The following ADAMTS17 variants were observed in gnomAD, a reference collection of about 807,000 sequenced individuals.
ADAMTS17 encodes A disintegrin and metalloproteinase with thrombospondin motifs 17.
Under a neutral mutation model 141.5 loss-of-function variants are expected in ADAMTS17, and 113 were observed. The observed-to-expected ratio is 0.80, with a 90% CI of 0.69 to 0.93. The LOEUF is 0.93. ADAMTS17 is among the 40% of genes least tolerant of loss of function. ADAMTS17 has a pLI of 0.00. For missense variants in ADAMTS17, 1,659 were observed against 1,517.9 expected (o/e 1.09, Z -1.54); for synonymous variants, 768 against 630.6 (o/e 1.22, Z -3.27).
At chr15:100,014,632 G>A (rs1206365582) in intron 18 of ADAMTS17, among the ~76,000 whole-genome samples, 5 of 152,144 alleles carry the variant, frequency 3.3e-5, no homozygotes, top group South Asian at 4.1e-4. Flanking sequence ...TGCTCATTCG[G>A]GAGCAGGTTA....
intron 10 of ADAMTS17, among the ~76,000 whole-genome samples, chr15:100,141,073 A>G (rs2038624296): frequency 6.6e-6 from 1 of 152,180 alleles, no homozygotes; most frequent in Admixed American, 6.5e-5. Flanking sequence ...GTCCGTGCAC[A>G]TGGCAAGGAA....
At chr15:100,264,241 C>A (rs2142005254) in intron 4 of ADAMTS17, among the ~76,000 whole-genome samples, 1 of 152,276 alleles carries the variant, frequency 6.6e-6, no homozygotes, top group East Asian at 1.9e-4. Context: ...ATGTCCTATC[C>A]CCAAGCCTGG....
chr15:100,146,750 G>A (rs559325685), intron 10 of ADAMTS17, among the ~76,000 whole-genome samples: 2 of 152,400 alleles, frequency 1.3e-5, no homozygotes, highest in East Asian at 3.8e-4. Context: ...ACATCCCTGG[G>A]AAAGAGAATA....
At chr15:100,012,843 C>G (rs934072501) in intron 18 of ADAMTS17, among the ~76,000 whole-genome samples, 1 of 152,120 alleles carries the variant, frequency 6.6e-6, no homozygotes, top group South Asian at 2.1e-4. Flanking sequence ...GTTCTTTTTG[C>G]TTAGTCTTGC....
At chr15:100,162,832 G>GTTATA (rs2039778013) in intron 8 of ADAMTS17, among the ~76,000 whole-genome samples, 1 of 143,368 alleles carries the variant, frequency 7.0e-6, no homozygotes, top group Non-Finnish European at 1.5e-5. Flanking sequence ...ATATATATGT[G>GTTATA]TATAACTATA....
intron 8 of ADAMTS17, among the ~76,000 whole-genome samples, chr15:100,188,880 A>T: frequency 6.6e-6 from 1 of 152,224 alleles, no homozygotes; most frequent in East Asian, 1.9e-4. Flanking sequence ...AGGGTATGAA[A>T]GCTATCCCGA....
At chr15:100,195,581 A>G (rs1206948348) in intron 8 of ADAMTS17, among the ~76,000 whole-genome samples, 1 of 146,116 alleles carries the variant, frequency 6.8e-6, no homozygotes, top group Non-Finnish European at 1.5e-5. Flanking sequence ...TCAGACTTAC[A>G]TTAATTAAAT....
chr15:100,243,001 C>A (rs1321695680), intron 7 of ADAMTS17, among the ~76,000 whole-genome samples: 1 of 152,214 alleles, frequency 6.6e-6, no homozygotes, highest in Non-Finnish European at 1.5e-5. Context: ...TTCCTCAGCT[C>A]CTGGCAACTG....
intron 10 of ADAMTS17, among the ~76,000 whole-genome samples, chr15:100,148,315 C>T (rs578256849): frequency 4.1e-4 from 63 of 152,270 alleles, no homozygotes; most frequent in Non-Finnish European, 6.9e-4. Flanking sequence ...TATATTTGCC[C>T]ACGAAATTAC....
intron 18 of ADAMTS17, among the ~76,000 whole-genome samples, chr15:100,007,098 A>G (rs564087557): frequency 6.6e-6 from 1 of 152,340 alleles, no homozygotes; most frequent in Admixed American, 6.5e-5. Context: ...GGAGAAACAT[A>G]AAAACAGACA....
chr15:100,178,643 T>C (rs1173795800), intron 8 of ADAMTS17, among the ~76,000 whole-genome samples: 1 of 152,178 alleles, frequency 6.6e-6, no homozygotes, highest in East Asian at 1.9e-4. Flanking sequence ...TATTGTTCTG[T>C]TGTTCTTTTA....
intron 18 of ADAMTS17, among the ~76,000 whole-genome samples, chr15:100,046,193 T>A (rs10152339): frequency 0.076 from 11,512 of 152,240 alleles, 1,416 homozygotes; most frequent in African/African-American, 0.25. Context: ...CTTTCTAGCT[T>A]TTAAACAATT....
intron 15 of ADAMTS17, among the ~76,000 whole-genome samples, chr15:100,084,339 G>A (rs566290663): frequency 5.3e-5 from 8 of 152,342 alleles, no homozygotes; most frequent in East Asian, 3.9e-4. Context: ...AAACAAAGCC[G>A]CCGGGAAGCT....
chr15:100,121,676 G>C (rs2037459797), intron 12 of ADAMTS17, among the ~76,000 whole-genome samples: 1 of 151,946 alleles, frequency 6.6e-6, no homozygotes, highest in South Asian at 2.1e-4. Context: ...CACTAGACCT[G>C]CATTACAATA....
chr15:100,071,258 T>G (rs57369319), intron 15 of ADAMTS17, among the ~76,000 whole-genome samples: 2 of 149,708 alleles, frequency 1.3e-5, no homozygotes, highest in African/African-American at 2.5e-5. Flanking sequence ...TAATAGCTTA[T>G]CAACCAAAAA....
intron 20 of ADAMTS17, 170 bp from the exon 21 acceptor site, chr15:99,976,392 G>C (rs774225013): frequency 1.4e-5 from 12 of 869,620 alleles, no homozygotes; most frequent in Non-Finnish European, 2.0e-5. Context: ...AGGACAGCCT[G>C]AGTGGGGCCT....
intron 8 of ADAMTS17, among the ~76,000 whole-genome samples, chr15:100,164,128 C>T (rs1284000242): frequency 6.6e-6 from 1 of 151,688 alleles, no homozygotes; most frequent in Admixed American, 6.6e-5. Flanking sequence ...ACACCCTCCT[C>T]CACCCCTGCA....
At chr15:100,111,387 A>T (rs2036771937) in intron 13 of ADAMTS17, among the ~76,000 whole-genome samples, 1 of 152,220 alleles carries the variant, frequency 6.6e-6, no homozygotes, top group Non-Finnish European at 1.5e-5. Flanking sequence ...ACTTGCAGGG[A>T]AGGACCTCAG....
intron 8 of ADAMTS17, among the ~76,000 whole-genome samples, chr15:100,158,451 G>A (rs1195240708): frequency 6.6e-6 from 1 of 152,054 alleles, no homozygotes; most frequent in Non-Finnish European, 1.5e-5. Context: ...TTTCACAGTG[G>A]TAAAAACACT....
Sources: allele counts gnomAD v4.1 joint callset (sites outside exome capture counted in the v4.1 genomes callset), GRCh38; gene constraint gnomAD v4.1.1; transcripts MANE v1.5; gene names NCBI Gene and HGNC (gene_info 2026-07-23, HGNC 2026-07-21).